The following PNKD variants were observed in gnomAD, a reference collection of about 807,000 sequenced individuals.
The protein encoded by PNKD is PNKD metallo-beta-lactamase domain containing.
Under a neutral mutation model 45.3 loss-of-function variants are expected in PNKD, and 36 were observed. The observed-to-expected ratio is 0.80, with a 90% CI of 0.61 to 1.05. The LOEUF (loss-of-function observed/expected upper bound fraction) is 1.05. Ranked by LOEUF, PNKD falls within the 50% of genes least tolerant of loss-of-function variation. PNKD has a pLI of 0.00. For synonymous variants in PNKD, 197 were observed against 210.1 expected (o/e 0.94, Z 0.54); for missense variants, 511 against 506.6 (o/e 1.01, Z -0.08).
chr2:218,293,193 T>G (rs1237298459), intron 2 of PNKD, among the ~76,000 whole-genome samples: 6 of 152,236 alleles, frequency 3.9e-5, no homozygotes, highest in African/African-American at 1.4e-4. Flanking sequence ...AGTCCTACAT[T>G]GAGATGTAGA....
At chr2:218,310,451 T>C (rs1021541995) in intron 2 of PNKD, among the ~76,000 whole-genome samples, 1 of 152,206 alleles carries the variant, frequency 6.6e-6, no homozygotes, top group South Asian at 2.1e-4. Context: ...CTCGAACTCC[T>C]GACCTTGTTA....
At chr2:218,302,741 C>G (rs568189948) in intron 2 of PNKD, among the ~76,000 whole-genome samples, 5 of 152,258 alleles carry the variant, frequency 3.3e-5, no homozygotes, top group Non-Finnish European at 7.3e-5. Context: ...CAAATATGAG[C>G]GACTATGGCC....
In PNKD at chr2:218,271,444, A is replaced by G; in HGVS notation, c.131A>G (p.His44Arg). ...AACAGGACCCGGGCCCTGCAAAGCC[A>G]CAGCTCCCCAGAGGGCAAGGAGGAA... ...SHNRTRALQS[H>R]SSPEGKEEPE... Residue 44 changes from histidine (H) to arginine (R), a missense_variant, in exon 2 of 10, where the codon CAC (histidine) becomes CGC (arginine). By Grantham distance (29) the His-to-Arg change is conservative. Transcript: ENST00000273077. The G allele has an allele frequency of 6.2e-7, 1 of 1,614,108 alleles. No individual in the cohort carries two copies. Among genetic ancestry groups the G allele is most frequent in the Non-Finnish European group, 8.5e-7 (1 of 1,179,976 alleles).
chr2:218,333,953 A>G (rs1472627704), intron 2 of PNKD, among the ~76,000 whole-genome samples: 2 of 148,928 alleles, frequency 1.3e-5, no homozygotes, highest in East Asian at 1.9e-4. Context: ...TGTCTCTACT[A>G]AAAATACAAA....
chr2:218,270,677 G>T (rs1003641757), intron 1 of PNKD, 75 bp downstream of exon 1: 1 of 461,782 alleles, frequency 2.2e-6, no homozygotes, highest in African/African-American at 2.0e-5. Flanking sequence ...GACGATAGCA[G>T]GAGGTCAGGG....
intron 2 of PNKD, among the ~76,000 whole-genome samples, chr2:218,313,872 A>T (rs76394798): frequency 0.07 from 10,437 of 149,056 alleles, 620 homozygotes; most frequent in African/African-American, 0.16. Context: ...TGAAAATCAA[A>T]TCTCGTTGTT....
intron 2 of PNKD, chr2:218,282,094 C>T (rs774582570): frequency 6.4e-7 from 1 of 1,573,532 alleles, no homozygotes; most frequent in Non-Finnish European, 8.6e-7. Flanking sequence ...GGCCTGGGTA[C>T]AGGGGGTTGC....
chr2:218,317,882 T>C (rs1693858715), intron 2 of PNKD: 1 of 152,208 alleles, frequency 6.6e-6, no homozygotes, highest in African/African-American at 2.4e-5. Flanking sequence ...TGCACTGGGT[T>C]CACTTTTCTA....
chr2:218,312,854 C>G (rs1014610412), intron 2 of PNKD, among the ~76,000 whole-genome samples: 1 of 151,880 alleles, frequency 6.6e-6, no homozygotes, highest in African/African-American at 2.4e-5. Context: ...GCCCGGGTGA[C>G]AGAGTGAGAC....
chr2:218,324,957 G>GA (rs142729410), intron 2 of PNKD, among the ~76,000 whole-genome samples: 13,118 of 95,290 alleles, frequency 0.14, 1,572 homozygotes, highest in African/African-American at 0.38. Context: ...AAAAGAAAAA[G>GA]AAAAAAAAAT....
chr2:218,277,388 G>T, intron 2 of PNKD: 2 of 1,614,132 alleles, frequency 1.2e-6, no homozygotes, highest in Non-Finnish European at 1.7e-6. Flanking sequence ...GCAGAAGATG[G>T]TGACTGAAAT....
intron 2 of PNKD, chr2:218,275,514 G>T: frequency 6.2e-7 from 1 of 1,614,160 alleles, no homozygotes; most frequent in Non-Finnish European, 8.5e-7. Flanking sequence ...CAAAGGTGAA[G>T]ATGTAGATGA....
At chr2:218,333,450 G>T (rs1181694315) in intron 2 of PNKD, among the ~76,000 whole-genome samples, 2 of 152,196 alleles carry the variant, frequency 1.3e-5, no homozygotes, top group African/African-American at 4.8e-5. Context: ...CAGCTGGGAG[G>T]ACTTCCTGGC....
In PNKD at chr2:218,340,673, T is replaced by G; in HGVS notation, c.466-55T>G. ...CGCCCACACTCCTGGCTCTTGCTGCTTCAAGTGCCTCTTGCATCCTGCTCC... is the reference window on the plus strand; with the variant it reads ...CGCCCACACTCCTGGCTCTTGCTGCGTCAAGTGCCTCTTGCATCCTGCTCC... On this transcript the variant is annotated intron_variant, in intron 4 of 9. Coordinates refer to ENST00000273077, the MANE Select transcript of PNKD (RefSeq NM_015488.5). This position sits in a 1 kb window ranked among gnomAD's most constrained non-coding sequence, Gnocchi z 4.2. 7.4e-7 allele frequency: 1 copy of G among 1,346,094 alleles called. No homozygotes were observed. Among genetic ancestry groups the G allele is most frequent in the Non-Finnish European group, 1.1e-6 (1 of 935,618 alleles). 83.4% of individuals were successfully genotyped at this position (1,346,094 alleles called of 1,614,324 possible). A position where few individuals can be genotyped will look rare whatever the true frequency, so the allele number is the denominator to read the frequency against.
chr2:218,279,190 G>A, intron 2 of PNKD: 1 of 1,577,886 alleles, frequency 6.3e-7, no homozygotes, highest in Non-Finnish European at 8.7e-7. Context: ...AATTGCCCAT[G>A]GTCACCCTGA....
At chr2:218,282,425 A>T (rs1428785470) in intron 2 of PNKD, among the ~76,000 whole-genome samples, 1 of 152,226 alleles carries the variant, frequency 6.6e-6, no homozygotes, top group African/African-American at 2.4e-5. Flanking sequence ...CCCCAGCCAT[A>T]GGAAAGCAGG....
rs1417244148 is a variant in PNKD at position 218,341,523 on chromosome 2, C to A, written c.525-11C>A. On this transcript the variant is annotated splice_polypyrimidine_tract_variant and intron_variant, in intron 5 of 9. Transcript: ENST00000273077. ...CCTCGAAGCCCCCTGCCTGTCTCTG[C>A]TGTCCTGCAGGGACCACAGTGGAGG... 9.6e-6 allele frequency: 15 copies of A among 1,568,364 alleles called. No homozygotes were observed. Among genetic ancestry groups the A allele is most frequent in the Non-Finnish European group, 1.3e-5 (15 of 1,150,806 alleles).
At chr2:218,301,489 T>C (rs1244034419) in intron 2 of PNKD, among the ~76,000 whole-genome samples, 1 of 152,122 alleles carries the variant, frequency 6.6e-6, no homozygotes, top group African/African-American at 2.4e-5. Flanking sequence ...ACTGTTTGGC[T>C]AGAAAAAGGG....
chr2:218,270,918 GC>G, intron 1 of PNKD: 1 of 360,416 alleles, frequency 2.8e-6, no homozygotes, highest in Non-Finnish European at 5.0e-6. Flanking sequence ...TTGAGTTCCA[GC>G]CCCGGATAAT....
Sources: gnomAD v4.1 joint callset for allele counts (sites outside exome capture counted in the v4.1 genomes callset) on GRCh38, gnomAD v4.1.1 for gene constraint, Gnocchi (gnomAD v3.1) non-coding constraint, MANE v1.5 for transcripts, NCBI Gene and HGNC (gene_info 2026-07-23, HGNC 2026-07-21) for gene names.